P4HA3: variants seen among roughly 807,000 people sequenced by gnomAD.
The protein encoded by P4HA3 is prolyl 4-hydroxylase subunit alpha-3.
In P4HA3, 60 loss-of-function variants were observed where a neutral mutation model predicts 66.7. That is an observed-to-expected ratio of 0.90 (90% CI 0.73 to 1.12). The LOEUF (loss-of-function observed/expected upper bound fraction) is 1.12. Ranked by LOEUF, P4HA3 falls within the 50% of genes most tolerant of loss-of-function variation. The pLI is 0.00. For missense variants in P4HA3, 683 were observed against 685.8 expected, an observed-to-expected ratio of 1.00 and a Z score of 0.05; for synonymous variants, 263 against 274.6, an observed-to-expected ratio of 0.96 and a Z score of 0.42.
Position 74,267,106 on chromosome 11 carries a change from CCT to C in P4HA3, c.*140_*141del, listed in dbSNP as rs1860013049. 6.5e-7 allele frequency: 1 copy of C among 1,543,670 alleles called. No homozygotes were observed. The highest frequency in any genetic ancestry group is 8.7e-7 in the Non-Finnish European group (1 of 1,149,282). ...TCCCCTGGTAACAACCTCTCCCTTG[CCT>C]CTGATTTGCGAGGCACAGACAAAGC... On this transcript the variant is annotated 3_prime_UTR_variant, in exon 13 of 13. Coordinates refer to ENST00000331597, the MANE Select transcript of P4HA3 (RefSeq NM_182904.5).
In P4HA3 at chr11:74,267,085, C is replaced by G; in HGVS notation, c.*163G>C. On this transcript the variant is annotated 3_prime_UTR_variant, in exon 13 of 13. Coordinates refer to ENST00000331597, the MANE Select transcript of P4HA3 (RefSeq NM_182904.5). ...ATCAAATGTACATTCTCAGTGTCCC[C>G]TGGTAACAACCTCTCCCTTGCCTCT... is the stretch of plus-strand genomic sequence containing the variant. 1 of 1,538,372 alleles carries G rather than the reference C, an allele frequency of 6.5e-7. No individual in the cohort carries two copies. The highest frequency in any genetic ancestry group is 1.4e-5 in the African/African-American group (1 of 73,290).
chr11:74,289,188 GAACA>G, intron 4 of P4HA3, 58 bp from the exon 5 acceptor site: 1 of 1,257,304 alleles, frequency 8.0e-7, no homozygotes, highest in Non-Finnish European at 1.1e-6. Flanking sequence ...TATCTCTTCT[GAACA>G]AACCATTAAA....
At chr11:74,254,705 T>A (rs1859789347) in intron 15 of P4HA3, 1 of 152,720 alleles carries the variant, frequency 6.5e-6, no homozygotes, top group African/African-American at 2.4e-5. Context: ...CAACCTTTAT[T>A]GGTCTGGTCT....
intron 4 of P4HA3, among the ~76,000 whole-genome samples, chr11:74,294,599 G>T: frequency 6.6e-6 from 1 of 152,154 alleles, no homozygotes; most frequent in East Asian, 1.9e-4. Context: ...GGTCTTTGAT[G>T]ATGGTGATGT....
intron 15 of P4HA3, chr11:74,252,687 T>C (rs1591075511): frequency 2.8e-6 from 1 of 354,254 alleles, no homozygotes; most frequent in Non-Finnish European, 5.7e-6. Context: ...GTAGTACCCC[T>C]CCCACACACG....
At chr11:74,268,063 T>A in intron 12 of P4HA3, 82 bp downstream of exon 12, 1 of 1,200,048 alleles carries the variant, frequency 8.3e-7, no homozygotes, top group Non-Finnish European at 1.2e-6. Context: ...ATGGGATGGC[T>A]GTGGTAGGTC....
chr11:74,279,082 A>T (rs755055443), intron 8 of P4HA3, among the ~76,000 whole-genome samples: 58 of 152,252 alleles, frequency 3.8e-4, no homozygotes, highest in Admixed American at 7.9e-4. Context: ...AAATGTGGAC[A>T]GGACTGTATC....
chr11:74,256,081 T>C (rs1323087607), intron 15 of P4HA3: 2 of 406,042 alleles, frequency 4.9e-6, no homozygotes, highest in African/African-American at 2.0e-5. Flanking sequence ...TCACAGCAAC[T>C]CTATGAGGTA....
intron 7 of P4HA3, among the ~76,000 whole-genome samples, chr11:74,279,916 C>G (rs1591102914): frequency 6.6e-6 from 1 of 152,170 alleles, no homozygotes; most frequent in African/African-American, 2.4e-5. Flanking sequence ...TCAGAGGCAG[C>G]CTGCTCCTTT....
intron 2 of P4HA3, among the ~76,000 whole-genome samples, chr11:74,303,098 C>T (rs1052920320): frequency 1.3e-5 from 2 of 151,982 alleles, no homozygotes; most frequent in Admixed American, 1.3e-4. Context: ...ACTTCAGGCA[C>T]ACGCCATCAC....
intron 15 of P4HA3, chr11:74,250,734 C>T: frequency 1.9e-6 from 1 of 529,504 alleles, no homozygotes; most frequent in Non-Finnish European, 3.4e-6. Flanking sequence ...AGTAAATGTA[C>T]ACTAAATAGG....
intron 4 of P4HA3, among the ~76,000 whole-genome samples, chr11:74,292,909 G>A (rs987612032): frequency 6.6e-6 from 1 of 152,176 alleles, no homozygotes; most frequent in African/African-American, 2.4e-5. Flanking sequence ...GTGCTGAAAA[G>A]AATGTATATT....
Position 74,277,173 on chromosome 11 carries a change from A to G in P4HA3, c.1176-29T>C, listed in dbSNP as rs747115151. 1.1e-5 allele frequency: 17 copies of G among 1,591,362 alleles called. No individual in the cohort carries two copies. In the East Asian group the frequency reaches 2.7e-4, roughly 25 times the overall value. On this transcript the variant is annotated intron_variant, in intron 8 of 12. Coordinates refer to ENST00000331597, the MANE Select transcript of P4HA3 (RefSeq NM_182904.5). ...AAACACACCACAGATTGAAGCATCA[A>G]TGATCTGTTGCCCGAAATGACTAAA...
chr11:74,300,786 A>G (rs1338571607), intron 3 of P4HA3, among the ~76,000 whole-genome samples: 1 of 152,214 alleles, frequency 6.6e-6, no homozygotes, highest in Non-Finnish European at 1.5e-5. Flanking sequence ...TCCAAGAGAA[A>G]TGAGAATAAA....
Position 74,276,637 on chromosome 11 carries a change from T to C in P4HA3, c.1335+348A>G, listed in dbSNP as rs1860406688. On this transcript the variant is annotated intron_variant, in intron 9 of 12. Transcript: ENST00000331597. ...TGAATCTAAAATTTTAAAAAAATTATTTGCTATTATCAGCAAAGATGGCCA... is the reference window on the plus strand; with the variant it reads ...TGAATCTAAAATTTTAAAAAAATTACTTGCTATTATCAGCAAAGATGGCCA... Among the ~76,000 whole-genome samples the C allele has an allele frequency of 3.9e-5, 6 of 152,152 alleles. No homozygotes were observed. In the South Asian group the frequency reaches 1.2e-3, roughly 32 times the overall value.
At chr11:74,298,978 A>ACATT (rs1434757426) in intron 3 of P4HA3, among the ~76,000 whole-genome samples, 2 of 150,328 alleles carry the variant, frequency 1.3e-5, no homozygotes, top group Non-Finnish European at 1.5e-5. Flanking sequence ...AGAATGGATT[A>ACATT]CATTCATTCA....
At chr11:74,252,251 G>GTTTTTTTTTTTTT (rs1249533305) in intron 15 of P4HA3, among the ~76,000 whole-genome samples, 3 of 118,464 alleles carry the variant, frequency 2.5e-5, no homozygotes, top group African/African-American at 6.2e-5. Context: ...TTTTTTTTTT[G>GTTTTTTTTTTTTT]TTTTTTTTTT....
chr11:74,274,555 C>T (rs1051093572), intron 9 of P4HA3, among the ~76,000 whole-genome samples: 8 of 151,904 alleles, frequency 5.3e-5, no homozygotes, highest in African/African-American at 1.5e-4. Context: ...CCTCGTGATC[C>T]GCCTGCCTTG....
chr11:74,308,864 C>A (rs181423691), intron 1 of P4HA3, among the ~76,000 whole-genome samples: 32 of 152,300 alleles, frequency 2.1e-4, no homozygotes, highest in Admixed American at 1.9e-3. Flanking sequence ...ACTCTTAATC[C>A]TTCCAAAAAC....
Sources: gnomAD v4.1 joint callset for allele counts (sites outside exome capture counted in the v4.1 genomes callset) on GRCh38, gnomAD v4.1.1 for gene constraint, MANE v1.5 for transcripts, NCBI Gene and HGNC (gene_info 2026-07-23, HGNC 2026-07-21) for gene names.